FOXO3: variants seen among roughly 807,000 people sequenced by gnomAD.
The protein encoded by FOXO3 is forkhead box O3, also known as forkhead box protein O3.
Under a neutral mutation model 41.9 loss-of-function variants are expected in FOXO3, and 4 were observed. That is an observed-to-expected ratio of 0.10 (90% CI 0.05 to 0.22). FOXO3 has a LOEUF of 0.22. Ranked by LOEUF, FOXO3 falls within the 10% of genes least tolerant of loss-of-function variation. The pLI is 1.00. For synonymous variants in FOXO3, 318 were observed against 389.3 expected (o/e 0.82, Z 2.16); for missense variants, 534 against 906.8 (o/e 0.59, Z 5.28).
At position 108,664,830 on chromosome 6, in the gene FOXO3, C is replaced by A. The variant is rs1779002228; in HGVS notation, c.1997C>A (p.Ser666Ter). The change falls in exon 2 of 3, where the codon TCA (serine) becomes TAA (stop). Residue 666 changes from serine (S) to a stop codon, truncating the protein, a stop_gained. Transcript: ENST00000406360. LOFTEE classifies it high-confidence loss of function. Reference protein sequence around the residue: ...VGNFTGAKQASSQSWVPG With the variant: ...VGNFTGAKQA Reference sequence around the variant, plus strand: ...AACTTCACTGGTGCTAAGCAGGCCTCATCTCAGAGCTGGGTGCCAGGCTGA... The same window carrying A: ...AACTTCACTGGTGCTAAGCAGGCCTAATCTCAGAGCTGGGTGCCAGGCTGA... 1 of 1,550,632 alleles carries A rather than the reference C, an allele frequency of 6.4e-7. No individual in the cohort carries two copies. Among genetic ancestry groups the A allele is most frequent in the Non-Finnish European group, 8.7e-7 (1 of 1,151,910 alleles).
chr6:108,668,537 GGAAA>G (rs1779121097), intron 2 of FOXO3, among the ~76,000 whole-genome samples: 1 of 152,122 alleles, frequency 6.6e-6, no homozygotes, highest in African/African-American at 2.4e-5. Flanking sequence ...CCTCTCTGAG[GGAAA>G]CCAGCTTCAG....
chr6:108,607,462 A>T (rs2128368279), intron 1 of FOXO3, among the ~76,000 whole-genome samples: 1 of 152,010 alleles, frequency 6.6e-6, no homozygotes, highest in South Asian at 2.1e-4. Context: ...AAAAAAAAAA[A>T]AAAGAAGAAG....
rs182233668 is a variant in FOXO3, at chr6:108,593,855, T to G, written c.621+32026T>G. Among the ~76,000 whole-genome samples the G allele has an allele frequency of 4.6e-3, 696 of 151,994 alleles. 2 individuals are homozygous for G. Among genetic ancestry groups the G allele is most frequent in the Middle Eastern group, 0.014 (4 of 292 alleles). On this transcript the variant is annotated intron_variant, in intron 1 of 2. Transcript: ENST00000406360. ...CCTCAGCCTCCCGAGTAGCTGGGAT[T>G]ACAGGCATGTGCCACCACAACCAGC... is the stretch of plus-strand genomic sequence containing the variant.
chr6:108,661,880 T>C (rs1039555412), intron 1 of FOXO3, among the ~76,000 whole-genome samples: 1 of 152,184 alleles, frequency 6.6e-6, no homozygotes, highest in African/African-American at 2.4e-5. Context: ...TAGGATACTT[T>C]TAAATTTACA....
At chr6:108,564,790 GTT>G (rs5878982) in intron 1 of FOXO3, among the ~76,000 whole-genome samples, 1 of 147,820 alleles carries the variant, frequency 6.8e-6, no homozygotes, top group Admixed American at 6.7e-5. Context: ...TTTGTGTTTT[GTT>G]TTTTTTTTTC....
At chr6:108,572,353 C>A (rs1776125390) in intron 1 of FOXO3, among the ~76,000 whole-genome samples, 1 of 152,240 alleles carries the variant, frequency 6.6e-6, no homozygotes, top group Admixed American at 6.5e-5. Flanking sequence ...TAAGGCTAAT[C>A]CAAATCTCTC....
intron 1 of FOXO3, among the ~76,000 whole-genome samples, chr6:108,615,706 CAT>C (rs1168125530): frequency 7.2e-5 from 11 of 151,924 alleles, no homozygotes. Context: ...CTCAATTACA[CAT>C]ATGTTAGACA....
chr6:108,621,889 T>G (rs535806016), intron 1 of FOXO3, among the ~76,000 whole-genome samples: 1 of 151,984 alleles, frequency 6.6e-6, no homozygotes, highest in Non-Finnish European at 1.5e-5. Context: ...TCATGTGACA[T>G]TAGGGGAGGC....
At chr6:108,647,855 T>C (rs898450876) in intron 1 of FOXO3, among the ~76,000 whole-genome samples, 3 of 152,200 alleles carry the variant, frequency 2.0e-5, no homozygotes, top group African/African-American at 7.2e-5. Context: ...AATTAACTCT[T>C]TTTTTGGAAA....
At chr6:108,668,002 A>G (rs1779109246) in intron 2 of FOXO3, among the ~76,000 whole-genome samples, 1 of 152,210 alleles carries the variant, frequency 6.6e-6, no homozygotes, top group Non-Finnish European at 1.5e-5. Flanking sequence ...TGTGACTGTC[A>G]CTTCATTGAA....
intron 1 of FOXO3, among the ~76,000 whole-genome samples, chr6:108,589,616 C>T (rs772435194): frequency 6.6e-6 from 1 of 152,208 alleles, no homozygotes; most frequent in Non-Finnish European, 1.5e-5. Context: ...CAGCCTAGCC[C>T]AGGGGTGGAA....
rs11757217 is a variant in FOXO3, at chr6:108,561,367, C to A, written c.159C>A (p.Ala53=). The A allele has an allele frequency of 6.4e-7, 1 of 1,558,862 alleles. No homozygotes were observed. The highest frequency in any genetic ancestry group is 8.7e-7 in the Non-Finnish European group (1 of 1,154,068). Reference sequence around the variant, plus strand: ...CCAAGCCCTCGGGGGAGACGGCCGCCGACTCCATGATCCCCGAGGAGGAGG... The same window carrying A: ...CCAAGCCCTCGGGGGAGACGGCCGCAGACTCCATGATCCCCGAGGAGGAGG... ...SPAKPSGETA[A]DSMIPEEEDD... The change falls in exon 1 of 3, where the codon GCC becomes GCA. Residue 53 remains alanine, a synonymous_variant. Coordinates refer to ENST00000406360, the MANE Select transcript of FOXO3 (RefSeq NM_001455.4).
intron 1 of FOXO3, among the ~76,000 whole-genome samples, chr6:108,660,760 A>G (rs550692113): frequency 6.6e-6 from 1 of 152,104 alleles, no homozygotes; most frequent in Non-Finnish European, 1.5e-5. Flanking sequence ...TAATCCCAGC[A>G]CTTTGGGAGG....
intron 2 of FOXO3, among the ~76,000 whole-genome samples, chr6:108,665,605 G>C (rs1779028354): frequency 6.6e-6 from 1 of 152,108 alleles, no homozygotes; most frequent in African/African-American, 2.4e-5. Flanking sequence ...GGAATTGCTT[G>C]AGGCTAGGAG....
At chr6:108,610,097 C>A (rs1047842384) in intron 1 of FOXO3, among the ~76,000 whole-genome samples, 1 of 152,062 alleles carries the variant, frequency 6.6e-6, no homozygotes, top group Non-Finnish European at 1.5e-5. Context: ...TTCCCCTTCC[C>A]CTCCCCATAT....
At chr6:108,599,487 C>T (rs1776983422) in intron 1 of FOXO3, among the ~76,000 whole-genome samples, 2 of 152,284 alleles carry the variant, frequency 1.3e-5, no homozygotes, top group South Asian at 2.1e-4. Context: ...CTTATAATGA[C>T]CCCTCACTTA....
At chr6:108,642,432 G>A (rs1249032730) in intron 1 of FOXO3, among the ~76,000 whole-genome samples, 2 of 152,030 alleles carry the variant, frequency 1.3e-5, no homozygotes, top group Non-Finnish European at 2.9e-5. Flanking sequence ...TTTGGCAAGG[G>A]GGACTGCTGA....
chr6:108,630,056 G>A (rs1777922149), intron 1 of FOXO3, among the ~76,000 whole-genome samples: 1 of 152,148 alleles, frequency 6.6e-6, no homozygotes, highest in Admixed American at 6.6e-5. Context: ...TAAACTCTAT[G>A]TTGCTCCTTC....
chr6:108,587,471 A>C (rs569903785), intron 1 of FOXO3, among the ~76,000 whole-genome samples: 11 of 152,300 alleles, frequency 7.2e-5, no homozygotes, highest in Admixed American at 7.2e-4. Flanking sequence ...TTGTGTGCCC[A>C]CCTGTGGCAC....
Sources: gnomAD v4.1 joint callset for allele counts (sites outside exome capture counted in the v4.1 genomes callset) on GRCh38, gnomAD v4.1.1 for gene constraint, MANE v1.5 for transcripts, NCBI Gene and HGNC (gene_info 2026-07-23, HGNC 2026-07-21) for gene names.